The following YIPF1 variants were observed in gnomAD, a reference collection of about 807,000 sequenced individuals.
YIPF1 encodes the protein Yip1 domain family member 1.
Under a neutral mutation model 37.0 loss-of-function variants are expected in YIPF1, and 22 were observed. The ratio of observed to expected loss-of-function variants is 0.59; its 90% CI spans 0.42 to 0.85. YIPF1 has a LOEUF of 0.85. YIPF1 is among the 40% of genes least tolerant of loss of function. The pLI, the probability that YIPF1 is intolerant of heterozygous loss-of-function variation, is 0.00. For synonymous variants in YIPF1, 128 were observed against 131.9 expected (o/e 0.97, Z 0.21); for missense variants, 355 against 373.1 (o/e 0.95, Z 0.40).
intron 5 of YIPF1, 37 bp from the exon 6 acceptor site, chr1:53,878,439 T>C (rs1157644350): frequency 6.2e-7 from 1 of 1,600,490 alleles, no homozygotes; most frequent in South Asian, 1.1e-5. Context: ...ACTGAAGTTT[T>C]TTAAGTTTAA....
At position 53,889,407 on chromosome 1, in the gene YIPF1, C is replaced by A. The variant is rs951596036; in HGVS notation, c.-213G>T. The A allele has an allele frequency of 4.4e-5, 7 of 158,650 alleles. No individual in the cohort carries two copies. Among genetic ancestry groups the A allele is most frequent in the Non-Finnish European group, 9.8e-5 (7 of 71,566 alleles). 9.8% of individuals were successfully genotyped at this position (158,650 alleles called of 1,614,324 possible). Reference sequence around the variant, plus strand: ...GGGTCAGACAGAGCTGGGTTTGATTCCCGATTCTGCTGCTTCTCTGCTGTA... The same window carrying A: ...GGGTCAGACAGAGCTGGGTTTGATTACCGATTCTGCTGCTTCTCTGCTGTA... On this transcript the variant is annotated 5_prime_UTR_variant, in exon 2 of 11. Transcript: ENST00000072644.
chr1:53,869,131 T>TTCTCTCTCTCTCTCTCTC (rs759374987), intron 7 of YIPF1, among the ~76,000 whole-genome samples: 1 of 139,548 alleles, frequency 7.2e-6, no homozygotes, highest in African/African-American at 2.7e-5. Context: ...CATGGATACA[T>TTCTCTCTCTCTCTCTCTC]TCTCTCTCTC....
intron 3 of YIPF1, among the ~76,000 whole-genome samples, chr1:53,884,588 T>A (rs1650592007): frequency 6.6e-6 from 1 of 152,238 alleles, no homozygotes; most frequent in Non-Finnish European, 1.5e-5. Flanking sequence ...GGAGTGTCTG[T>A]GTAGAAAAAG....
chr1:53,866,667 G>C (rs752974165), intron 8 of YIPF1, 91 bp downstream of exon 8: 6 of 1,443,516 alleles, frequency 4.2e-6, no homozygotes, highest in Non-Finnish European at 5.6e-6. Flanking sequence ...GTATTGCGCT[G>C]GAAATAATGA....
At chr1:53,863,368 T>TA (rs767302672) in intron 9 of YIPF1, among the ~76,000 whole-genome samples, 4 of 152,188 alleles carry the variant, frequency 2.6e-5, no homozygotes, top group African/African-American at 4.8e-5. Context: ...TATGGAGGAA[T>TA]AAGCAGCATA....
At chr1:53,859,908 C>T in intron 10 of YIPF1, 148 bp downstream of exon 10, 2 of 667,742 alleles carry the variant, frequency 3.0e-6, no homozygotes, top group African/African-American at 1.8e-5. Context: ...CACAGAAACA[C>T]AGACATGCAC....
At chr1:53,881,588 T>C (rs914200009) in intron 4 of YIPF1, among the ~76,000 whole-genome samples, 2 of 152,156 alleles carry the variant, frequency 1.3e-5, no homozygotes, top group South Asian at 2.1e-4. Flanking sequence ...AAGACATACA[T>C]GTGGCCAAAA....
At chr1:53,875,919 CT>C (rs1569637396) in intron 6 of YIPF1, among the ~76,000 whole-genome samples, 1 of 152,326 alleles carries the variant, frequency 6.6e-6, no homozygotes, top group East Asian at 1.9e-4. Context: ...GCATTCATTA[CT>C]AGAAAACTAT....
intron 3 of YIPF1, among the ~76,000 whole-genome samples, chr1:53,886,945 G>A (rs1650670926): frequency 6.6e-6 from 1 of 151,948 alleles, no homozygotes; most frequent in Non-Finnish European, 1.5e-5. Context: ...TGTACTTGGT[G>A]CATAGGAAGA....
intron 10 of YIPF1, among the ~76,000 whole-genome samples, chr1:53,856,201 C>A (rs1649714080): frequency 6.6e-6 from 1 of 152,236 alleles, no homozygotes. Flanking sequence ...CAGCCAAGTT[C>A]ATAGATCTGA....
intron 10 of YIPF1, among the ~76,000 whole-genome samples, chr1:53,857,090 A>G (rs1319376217): frequency 6.6e-6 from 1 of 152,192 alleles, no homozygotes; most frequent in Non-Finnish European, 1.5e-5. Context: ...TGGTCTCCAA[A>G]TGACCGTCAG....
At chr1:53,863,315 C>G (rs6588493) in intron 9 of YIPF1, among the ~76,000 whole-genome samples, 5 of 151,964 alleles carry the variant, frequency 3.3e-5, no homozygotes, top group African/African-American at 4.8e-5. Flanking sequence ...AGCTTTGGCC[C>G]GGGTACCAGC....
chr1:53,874,139 C>G (rs1433903770), intron 6 of YIPF1, among the ~76,000 whole-genome samples: 1 of 152,006 alleles, frequency 6.6e-6, no homozygotes, highest in East Asian at 1.9e-4. Flanking sequence ...ACCTCCACTG[C>G]TTAAGGACAA....
intron 8 of YIPF1, 122 bp downstream of exon 8, chr1:53,866,636 G>T: frequency 7.7e-7 from 1 of 1,300,414 alleles, no homozygotes; most frequent in Non-Finnish European, 1.0e-6. Context: ...CTTCAAAGGA[G>T]ATTTTTTCAG....
At chr1:53,877,632 T>C (rs2100737215) in intron 6 of YIPF1, among the ~76,000 whole-genome samples, 1 of 152,236 alleles carries the variant, frequency 6.6e-6, no homozygotes, top group East Asian at 1.9e-4. Context: ...AGACTTCCAC[T>C]GCTGGTGACC....
intron 5 of YIPF1, 36 bp from the exon 6 acceptor site, chr1:53,878,438 T>G: frequency 6.2e-7 from 1 of 1,601,790 alleles, no homozygotes. Context: ...TACTGAAGTT[T>G]TTTAAGTTTA....
intron 10 of YIPF1, among the ~76,000 whole-genome samples, chr1:53,853,332 G>A (rs962533488): frequency 6.6e-6 from 1 of 152,350 alleles, no homozygotes; most frequent in African/African-American, 2.4e-5. Flanking sequence ...CAGTATAAAT[G>A]ATGGTGCCAT....
At chr1:53,857,437 C>G (rs905764825) in intron 10 of YIPF1, among the ~76,000 whole-genome samples, 22 of 152,284 alleles carry the variant, frequency 1.4e-4, no homozygotes, top group Middle Eastern at 3.4e-3. Context: ...GAGGAAGGCT[C>G]CATCAAACAG....
At position 53,878,329 on chromosome 1, in the gene YIPF1, T is replaced by TTA; in HGVS notation, c.349_350insTA (p.Asn117IlefsTer19). The TTA allele has an allele frequency of 6.2e-7, 1 of 1,614,078 alleles. No individual in the cohort carries two copies. The highest frequency in any genetic ancestry group is 8.5e-7 in the Non-Finnish European group (1 of 1,179,978). On this transcript the variant is annotated frameshift_variant, in exon 6 of 11. Coordinates refer to ENST00000072644, the MANE Select transcript of YIPF1 (RefSeq NM_018982.5). LOFTEE classifies it high-confidence loss of function. ...ACTAAACATACCATAGAGATCTGGA[T>TTA]TGCTGCGGATATATAACCTCACAAA...
Sources: gnomAD v4.1 joint callset for allele counts (sites outside exome capture counted in the v4.1 genomes callset) on GRCh38, gnomAD v4.1.1 for gene constraint, MANE v1.5 for transcripts, NCBI Gene and HGNC (gene_info 2026-07-23, HGNC 2026-07-21) for gene names.